NAF1: variants seen among roughly 807,000 people sequenced by gnomAD.
NAF1 encodes H/ACA ribonucleoprotein complex non-core subunit NAF1.
NAF1 carries 11 observed loss-of-function variants against 40.6 expected under a neutral mutation model. The ratio of observed to expected loss-of-function variants is 0.27; its 90% CI spans 0.17 to 0.45. The LOEUF is 0.45. Among genes scored for constraint, NAF1 ranks in the 20% least tolerant of loss-of-function variants. NAF1 has a pLI of 1.00. For synonymous variants in NAF1, 260 were observed against 228.5 expected (o/e 1.14, Z -1.24); for missense variants, 607 against 611.1 (o/e 0.99, Z 0.07).
In NAF1 at chr4:163,129,306, C is replaced by T; in HGVS notation, c.1076G>A (p.Ser359Asn). The T allele has an allele frequency of 1.2e-6, 2 of 1,613,532 alleles. No individual in the cohort carries two copies. Among genetic ancestry groups the T allele is most frequent in the Non-Finnish European group, 1.7e-6 (2 of 1,179,482 alleles). Residue 359 changes from serine (S) to asparagine (N), a missense_variant, in exon 8 of 8, where the codon AGC becomes AAC. Ser to Asn is a conservative substitution (Grantham distance 46). Transcript: ENST00000274054. ...TCCTTTTGCATGCTCTGAAGCAGAG[C>T]TATGAGCATTCCAATTCTGATGTAC... Reference protein sequence around the residue: ...TEVHQNWNAHSSASEHAKGYR... With the variant: ...TEVHQNWNAHNSASEHAKGYR...
At chr4:163,145,416 C>G (rs1560795765) in intron 4 of NAF1, among the ~76,000 whole-genome samples, 1 of 152,136 alleles carries the variant, frequency 6.6e-6, no homozygotes, top group Non-Finnish European at 1.5e-5. Flanking sequence ...GCTCACAAAA[C>G]AAAAATGCTT....
chr4:163,157,878 G>A (rs1732053884), intron 2 of NAF1, among the ~76,000 whole-genome samples: 1 of 152,158 alleles, frequency 6.6e-6, no homozygotes, highest in Non-Finnish European at 1.5e-5. Flanking sequence ...AATGGAAGAA[G>A]CTAATATGTC....
At chr4:163,149,402 A>C (rs577150061) in intron 2 of NAF1, among the ~76,000 whole-genome samples, 2 of 152,326 alleles carry the variant, frequency 1.3e-5, no homozygotes, top group Admixed American at 1.3e-4. Context: ...ATCCTGAGTA[A>C]TCATATTACC....
intron 7 of NAF1, among the ~76,000 whole-genome samples, chr4:163,130,867 A>T (rs1001965728): frequency 6.6e-6 from 1 of 152,240 alleles, no homozygotes; most frequent in Admixed American, 6.5e-5. Flanking sequence ...AAATTTAGAC[A>T]ACCTTGGGTT....
chr4:163,131,123 G>A (rs190199382), intron 7 of NAF1, among the ~76,000 whole-genome samples: 434 of 152,174 alleles, frequency 2.9e-3, no homozygotes, highest in Non-Finnish European at 5.0e-3. Flanking sequence ...TGCCTGCCTC[G>A]GCCTCCCAAA....
At chr4:163,111,252 T>C (rs971668300) in intron 2 of NAF1, among the ~76,000 whole-genome samples, 3 of 152,024 alleles carry the variant, frequency 2.0e-5, no homozygotes, top group African/African-American at 7.2e-5. Flanking sequence ...AGGGAGGAAG[T>C]AGTGGGAAAA....
At chr4:163,152,870 G>A (rs1731775603) in intron 2 of NAF1, among the ~76,000 whole-genome samples, 1 of 152,222 alleles carries the variant, frequency 6.6e-6, no homozygotes, top group East Asian at 1.9e-4. Flanking sequence ...GGGAACCGGG[G>A]CTGCGCGCGG....
chr4:163,162,890 A>C (rs1348336288), intron 2 of NAF1, among the ~76,000 whole-genome samples: 8 of 152,212 alleles, frequency 5.3e-5, no homozygotes. Context: ...GTGGCCACAA[A>C]TCCTTTTTGA....
chr4:163,160,066 G>T (rs998686541), intron 2 of NAF1, among the ~76,000 whole-genome samples: 1 of 152,072 alleles, frequency 6.6e-6, no homozygotes, highest in Admixed American at 6.5e-5. Context: ...TGTTTAAAAA[G>T]AATCTCAATT....
At chr4:163,123,685 C>T (rs1336792644), downstream of NAF1, among the ~76,000 whole-genome samples, 1 of 152,148 alleles carries the variant, frequency 6.6e-6, no homozygotes, top group African/African-American at 2.4e-5. Flanking sequence ...ACCCGGCCTA[C>T]AGCTACTCAC....
chr4:163,152,634 A>T (rs1731758298), intron 2 of NAF1, among the ~76,000 whole-genome samples: 1 of 152,056 alleles, frequency 6.6e-6, no homozygotes, highest in Non-Finnish European at 1.5e-5. Flanking sequence ...AATCACCACC[A>T]TATTTCCAAT....
chr4:163,127,724 T>C (rs972489129), downstream of NAF1, among the ~76,000 whole-genome samples: 3 of 152,212 alleles, frequency 2.0e-5, no homozygotes, highest in African/African-American at 7.2e-5. Flanking sequence ...GTACTAGGAA[T>C]GCTGCAAAGA....
At chr4:163,132,694 G>A (rs1730916849) in intron 7 of NAF1, among the ~76,000 whole-genome samples, 1 of 152,140 alleles carries the variant, frequency 6.6e-6, no homozygotes, top group African/African-American at 2.4e-5. Context: ...TCCATATATA[G>A]TTATGCAAGA....
Position 163,133,256 on chromosome 4 carries a change from C to T in NAF1, c.931G>A (p.Ala311Thr). ...WKNDQEPPPE[A>T]LDFSDDEKEK... ...TTTTCATCATCACTAAAATCTAAGG[C>T]CTTGCAGAGAAAAGTATATAATAGG... Residue 311 changes from alanine (A) to threonine (T), a missense_variant and splice_region_variant, in exon 7 of 8, where the codon GCC (alanine) becomes ACC (threonine). Around this residue, in one of 3 missense-constraint regions of NAF1, gnomAD observed 11 missense variants for 29.1 expected, o/e 0.38. Transcript: ENST00000274054. 3 of 1,611,354 alleles carry T rather than the reference C, an allele frequency of 1.9e-6. No homozygotes were observed. The highest frequency in any genetic ancestry group is 2.5e-6 in the Non-Finnish European group (3 of 1,178,050).
intron 2 of NAF1, among the ~76,000 whole-genome samples, chr4:163,152,877 G>A (rs558683404): frequency 3.2e-4 from 49 of 152,338 alleles, no homozygotes; most frequent in African/African-American, 1.0e-3. Flanking sequence ...GGGGCTGCGC[G>A]CGGCGCTTGC....
At chr4:163,114,989 T>G (rs1730281777) in intron 2 of NAF1, among the ~76,000 whole-genome samples, 1 of 152,102 alleles carries the variant, frequency 6.6e-6, no homozygotes, top group African/African-American at 2.4e-5. Flanking sequence ...TTTTTACATT[T>G]TATTGGCATA....
chr4:163,107,009 T>C (rs535927408), downstream of NAF1, among the ~76,000 whole-genome samples: 6 of 151,966 alleles, frequency 3.9e-5, no homozygotes, highest in East Asian at 1.2e-3. Context: ...TTTTTTGAGA[T>C]GGAGTCTCGC....
At chr4:163,126,504 G>A (rs370856300), downstream of NAF1, among the ~76,000 whole-genome samples, 22 of 152,260 alleles carry the variant, frequency 1.4e-4, no homozygotes, top group Non-Finnish European at 2.8e-4. Context: ...GCAATCTCAC[G>A]AAAAAACTTG....
chr4:163,139,260 G>T (rs1731166192), intron 5 of NAF1, among the ~76,000 whole-genome samples: 1 of 152,054 alleles, frequency 6.6e-6, no homozygotes, highest in African/African-American at 2.4e-5. Context: ...CTATAAAAAT[G>T]TATCGCCTAG....
Sources: allele counts gnomAD v4.1 joint callset (sites outside exome capture counted in the v4.1 genomes callset), GRCh38; gene constraint gnomAD v4.1.1; regional missense constraint gnomAD v4.1.1; transcripts MANE v1.5; gene names NCBI Gene and HGNC (gene_info 2026-07-23, HGNC 2026-07-21).